The following PTPN9 variants were observed in gnomAD, a reference collection of about 807,000 sequenced individuals.
PTPN9 encodes the protein protein tyrosine phosphatase non-receptor type 9.
Under a neutral mutation model 69.8 loss-of-function variants are expected in PTPN9, and 26 were observed. The ratio of observed to expected loss-of-function variants is 0.37; its 90% confidence interval spans 0.27 to 0.52. The LOEUF (loss-of-function observed/expected upper bound fraction) is 0.52, where lower values mean the gene tolerates loss of function less well. Among genes scored for constraint, PTPN9 ranks in the 20% least tolerant of loss-of-function variants. PTPN9 has a pLI of 0.91. For synonymous variants in PTPN9, 274 were observed against 272.5 expected (o/e 1.01, Z -0.05); for missense variants, 549 against 740.3 (o/e 0.74, Z 3.00).
intron 3 of PTPN9, among the ~76,000 whole-genome samples, 159 bp from the exon 4 acceptor site, chr15:75,523,404 A>G (rs1048823487): frequency 3.9e-5 from 6 of 152,184 alleles, no homozygotes; most frequent in African/African-American, 1.4e-4. Flanking sequence ...AAGAGTGTTA[A>G]TATCATCCTT....
At chr15:75,543,626 T>A (rs1004739572) in intron 1 of PTPN9, among the ~76,000 whole-genome samples, 2 of 152,232 alleles carry the variant, frequency 1.3e-5, no homozygotes, top group Non-Finnish European at 2.9e-5. Flanking sequence ...GCATCAGCTG[T>A]CTCAGAGGAG....
intron 5 of PTPN9, chr15:75,513,116 C>G (rs1182887731): frequency 5.3e-6 from 2 of 380,070 alleles, no homozygotes; most frequent in African/African-American, 4.2e-5. Context: ...GTGACTGCAG[C>G]AGGTACCCCC....
At chr15:75,576,956 G>C (rs138072704) in intron 1 of PTPN9, among the ~76,000 whole-genome samples, 16 of 152,034 alleles carry the variant, frequency 1.1e-4, no homozygotes, top group Admixed American at 1.0e-3. Flanking sequence ...TGAAATGCTT[G>C]TAAAAAAATA....
At position 75,505,840 on chromosome 15, in the gene PTPN9, G is replaced by A. The variant is rs1291261300; in HGVS notation, c.803C>T (p.Ser268Phe). The A allele has an allele frequency of 1.2e-6, 2 of 1,614,060 alleles. No homozygotes were observed. The highest frequency in any genetic ancestry group is 1.3e-5 in the African/African-American group (1 of 74,934). ...GTCCCAGTCTAAGGCAGGAGGGAGG[G>A]AGAACAGGATGATCTCATCGAAGGG... ...PDPFDEIILF[S>F]LPPALDWDSV... Residue 268 changes from serine to phenylalanine, a missense_variant, in exon 7 of 13, where the codon TCC (serine) becomes TTC (phenylalanine). Physicochemically the swap from Ser to Phe is radical, Grantham distance 155 (BLOSUM62 -2). Around this residue, in one of 3 missense-constraint regions of PTPN9, gnomAD observed 457 missense variants for 661.9 expected, o/e 0.69. Coordinates refer to ENST00000618819, the MANE Select transcript of PTPN9 (RefSeq NM_002833.4).
At chr15:75,518,535 T>C (rs1303473594) in intron 4 of PTPN9, among the ~76,000 whole-genome samples, 1 of 150,508 alleles carries the variant, frequency 6.6e-6, no homozygotes, top group Non-Finnish European at 1.5e-5. Flanking sequence ...TAGTAAGCCA[T>C]GGCTGGGTGT....
chr15:75,576,548 G>C (rs545480880), intron 1 of PTPN9, among the ~76,000 whole-genome samples: 3 of 151,216 alleles, frequency 2.0e-5, no homozygotes, highest in African/African-American at 2.4e-5. Flanking sequence ...AGTAACTCAC[G>C]ACTGTAATCC....
In PTPN9 at chr15:75,473,694, G is replaced by T; in HGVS notation, c.1203C>A (p.Thr401=). Residue 401 remains threonine, a synonymous_variant, in exon 10 of 13, where the codon ACC becomes ACA. Transcript: ENST00000618819. ...WEQKVLVIVM[T]TRFEEGGRRK... ...GAAAAAAGGGATTAACTCACCGGGT[G>T]GTCATGACAATCACCAAGACTTTTT... 2 of 1,560,314 alleles carry T rather than the reference G, an allele frequency of 1.3e-6. No individual in the cohort carries two copies. Among genetic ancestry groups the T allele is most frequent in the Non-Finnish European group, 1.8e-6 (2 of 1,131,062 alleles).
intron 1 of PTPN9, among the ~76,000 whole-genome samples, chr15:75,546,862 C>A (rs976295425): frequency 1.3e-5 from 2 of 151,916 alleles, no homozygotes; most frequent in African/African-American, 4.8e-5. Context: ...ACCACATAAT[C>A]CTTAACAGTG....
At chr15:75,500,340 TACATACACAC>T (rs2074765787) in intron 7 of PTPN9, among the ~76,000 whole-genome samples, 2 of 134,356 alleles carry the variant, frequency 1.5e-5, no homozygotes, top group East Asian at 2.1e-4. Context: ...TAAACAAACA[TACATACACAC>T]ACACACACAC....
At chr15:75,564,079 CTTTT>C (rs926014384) in intron 1 of PTPN9, among the ~76,000 whole-genome samples, 3 of 142,974 alleles carry the variant, frequency 2.1e-5, no homozygotes, top group African/African-American at 5.1e-5. Context: ...TACATTATGT[CTTTT>C]TTTTTTTTTA....
At chr15:75,554,182 C>G (rs2075067278) in intron 1 of PTPN9, among the ~76,000 whole-genome samples, 1 of 150,538 alleles carries the variant, frequency 6.6e-6, no homozygotes. Flanking sequence ...CCATGCCCGG[C>G]TGAAAAAAGA....
intron 1 of PTPN9, among the ~76,000 whole-genome samples, chr15:75,559,189 GTGAGGAGCCCC>G (rs2075092231): frequency 6.6e-6 from 1 of 151,792 alleles, no homozygotes; most frequent in African/African-American, 2.4e-5. Context: ...CCCCGTCTAA[GTGAGGAGCCCC>G]TCCGCCCGGC....
chr15:75,492,220 C>T (rs981353191), intron 7 of PTPN9, among the ~76,000 whole-genome samples: 4 of 152,154 alleles, frequency 2.6e-5, no homozygotes, highest in African/African-American at 4.8e-5. Context: ...ATTGACTGCA[C>T]TCCATTCATC....
chr15:75,557,262 T>C (rs1320221236), intron 1 of PTPN9, among the ~76,000 whole-genome samples: 1 of 151,934 alleles, frequency 6.6e-6, no homozygotes, highest in African/African-American at 2.4e-5. Context: ...CCGTCTCTAC[T>C]AAAAATACAA....
chr15:75,504,062 C>T (rs2074796123), intron 7 of PTPN9, among the ~76,000 whole-genome samples: 1 of 123,736 alleles, frequency 8.1e-6, no homozygotes, highest in African/African-American at 3.1e-5. Flanking sequence ...CCAGCCGACC[C>T]GTCCGGGAGG....
At chr15:75,501,207 C>T (rs1355727271) in intron 7 of PTPN9, among the ~76,000 whole-genome samples, 1 of 152,138 alleles carries the variant, frequency 6.6e-6, no homozygotes, top group Admixed American at 6.6e-5. Context: ...ACTGACTACA[C>T]TGGACAGGAG....
chr15:75,507,627 C>T (rs762321375), intron 6 of PTPN9, among the ~76,000 whole-genome samples: 4 of 151,352 alleles, frequency 2.6e-5, no homozygotes, highest in Non-Finnish European at 4.4e-5. Flanking sequence ...ATTAGCCGGG[C>T]GTGACAGCAC....
intron 1 of PTPN9, among the ~76,000 whole-genome samples, chr15:75,549,174 T>C (rs1270712225): frequency 2.0e-5 from 3 of 151,954 alleles, no homozygotes; most frequent in African/African-American, 7.2e-5. Context: ...TAATATGAAT[T>C]ATGCAATTAA....
intron 4 of PTPN9, among the ~76,000 whole-genome samples, chr15:75,521,920 G>A (rs193200889): frequency 6.6e-6 from 1 of 152,126 alleles, no homozygotes; most frequent in East Asian, 1.9e-4. Context: ...GCCCAGGGCT[G>A]GTCTCAAACT....
Sources: gnomAD v4.1 joint callset for allele counts (sites outside exome capture counted in the v4.1 genomes callset) on GRCh38, gnomAD v4.1.1 for gene constraint, gnomAD v4.1.1 regional missense constraint, MANE v1.5 for transcripts, NCBI Gene and HGNC (gene_info 2026-07-23, HGNC 2026-07-21) for gene names.